Variants in SH3BP2 observed in about 807,000 individuals in gnomAD.
The protein encoded by SH3BP2 is SH3 domain-binding protein 2.
Under a neutral mutation model 56.2 loss-of-function variants are expected in SH3BP2, and 38 were observed. The observed-to-expected ratio is 0.68, with a 90% CI of 0.52 to 0.89. The LOEUF (loss-of-function observed/expected upper bound fraction) is 0.89. Ranked by LOEUF, SH3BP2 falls within the 40% of genes least tolerant of loss-of-function variation. The pLI, the probability that SH3BP2 is intolerant of heterozygous loss-of-function variation, is 0.00. For missense variants in SH3BP2, 748 were observed against 762.6 expected, an observed-to-expected ratio of 0.98 and a Z score of 0.23; for synonymous variants, 346 against 316.7, an observed-to-expected ratio of 1.09 and a Z score of -0.98.
chr4:2,793,463 G>T (rs231336), intron 1 of SH3BP2, among the ~76,000 whole-genome samples: 2 of 150,954 alleles, frequency 1.3e-5, no homozygotes, highest in Non-Finnish European at 1.5e-5. Flanking sequence ...GCCAAAGGAC[G>T]CACGGGGCCT....
intron 1 of SH3BP2, among the ~76,000 whole-genome samples, chr4:2,798,041 T>G (rs1041031391): frequency 6.6e-6 from 1 of 152,164 alleles, no homozygotes; most frequent in Non-Finnish European, 1.5e-5. Flanking sequence ...TCTTCAGGTT[T>G]CCATCACAGC....
chr4:2,814,516 G>A (rs1194540176), intron 1 of SH3BP2, among the ~76,000 whole-genome samples: 11 of 151,080 alleles, frequency 7.3e-5, no homozygotes, highest in East Asian at 5.8e-4. Context: ...ACACACACAC[G>A]CACACACGCA....
At chr4:2,823,153 C>G in intron 3 of SH3BP2, 116 bp downstream of exon 3, 1 of 774,946 alleles carries the variant, frequency 1.3e-6, no homozygotes, top group East Asian at 2.7e-5. Flanking sequence ...TTTCCCGAAG[C>G]AGCCTTCGTG....
rs530396595 is a variant in SH3BP2, at chr4:2,816,669, C to T, written c.-4-3945C>T. Among the ~76,000 whole-genome samples, 3 of 152,316 alleles carry T rather than the reference C, an allele frequency of 2.0e-5. No homozygotes were observed. In the East Asian group the frequency reaches 5.8e-4, roughly 29 times the overall value. ...ATCATGGAGGAGTGTTGAATTTTGT[C>T]AAACACTTGTTCTTCGTCTATCAAA... is the stretch of plus-strand genomic sequence containing the variant. On this transcript the variant is annotated intron_variant, in intron 1 of 12. Transcript: ENST00000503393.
chr4:2,818,352 C>A (rs2108722237), intron 1 of SH3BP2: 3 of 1,179,532 alleles, frequency 2.5e-6, no homozygotes, highest in South Asian at 8.4e-5. Context: ...GGGCGTGGAT[C>A]GCCCCGGGGA....
intron 1 of SH3BP2, chr4:2,798,999 C>T (rs567362630): frequency 4.7e-4 from 463 of 985,506 alleles, no homozygotes; most frequent in Non-Finnish European, 5.4e-4. Flanking sequence ...GCACGCAGCA[C>T]GGGGCCTGGG....
intron 1 of SH3BP2, among the ~76,000 whole-genome samples, chr4:2,815,802 C>T (rs959887387): frequency 6.6e-6 from 1 of 152,188 alleles, no homozygotes; most frequent in Admixed American, 6.5e-5. Flanking sequence ...GGGTGTCCCC[C>T]CTGGGCTGGG....
intron 1 of SH3BP2, among the ~76,000 whole-genome samples, chr4:2,808,798 A>G (rs28546880): frequency 0.56 from 18,480 of 33,220 alleles, 3,125 homozygotes; most frequent in Admixed American, 0.59. Context: ...CTCAGTGCCC[A>G]CCTTCCCCCA....
Position 2,831,234 on chromosome 4 carries a change from G to A in SH3BP2, c.1242-337G>A, listed in dbSNP as rs1228460015. Among the ~76,000 whole-genome samples the A allele has an allele frequency of 6.6e-6, 1 of 152,204 alleles. No individual in the cohort carries two copies. The highest frequency in any genetic ancestry group is 1.5e-5 in the Non-Finnish European group (1 of 68,034). ...TCCACTCCCCTGTGGCTCTGAGTGG[G>A]CTGTGATTTGGCCATGACCGGACCT... On this transcript the variant is annotated intron_variant, in intron 8 of 12. Coordinates refer to ENST00000503393, the MANE Select transcript of SH3BP2 (RefSeq NM_001122681.2). This position sits in a 1 kb window ranked among gnomAD's most constrained non-coding sequence, Gnocchi z 4.1.
intron 1 of SH3BP2, among the ~76,000 whole-genome samples, chr4:2,815,643 C>G (rs1405158757): frequency 6.6e-6 from 1 of 152,220 alleles, no homozygotes; most frequent in Non-Finnish European, 1.5e-5. Context: ...GACACACAGG[C>G]CAGGTCTTAT....
chr4:2,818,110 C>T lies in SH3BP2; in HGVS notation c.-4-2504C>T, dbSNP rs538307614. The T allele has an allele frequency of 1.3e-4, 82 of 623,334 alleles. No homozygotes were observed. In the African/African-American group the frequency reaches 1.5e-3, roughly 12 times the overall value. 38.6% of individuals were successfully genotyped at this position (623,334 alleles called of 1,614,324 possible). ...AGGGGGCTCACGTGCCTCCCGCGCA[C>T]GGTGACGCGGCAGGGGGCGGGGCCG... On this transcript the variant is annotated intron_variant, in intron 1 of 12. Coordinates refer to ENST00000503393, the MANE Select transcript of SH3BP2 (RefSeq NM_001122681.2).
rs137947663 is a variant in SH3BP2 at position 2,831,660 on chromosome 4, C to A, written c.1331C>A (p.Ser444Ter). ...PSQADTGGDDSDEDYEKVPLP... is the reference protein window; with the variant it reads ...PSQADTGGDD ...CAGGCTGACACTGGCGGGGACGACT[C>A]GGACGAGGACTATGAGAAGGCAAGG... The change falls in exon 9 of 13, where the codon TCG becomes TAG. Residue 444 changes from serine (S) to a stop codon, truncating the protein, a stop_gained. Transcript: ENST00000503393. LOFTEE classifies it high-confidence loss of function. The surrounding 1 kb of genome is among the most constrained non-coding windows in gnomAD (Gnocchi z 4.1). The A allele has an allele frequency of 1.3e-6, 2 of 1,589,462 alleles. No individual in the cohort carries two copies. Among genetic ancestry groups the A allele is most frequent in the Non-Finnish European group, 1.7e-6 (2 of 1,167,222 alleles).
At position 2,839,088 on chromosome 4, in the gene SH3BP2, T is replaced by G. The variant is rs1015245145; in HGVS notation, c.*5254T>G. On this transcript the variant is annotated 3_prime_UTR_variant, in exon 13 of 13. Transcript: ENST00000503393. Reference sequence around the variant, plus strand: ...GGAGATTGAGCATATTTTTATGTTTTTATTAACCATTTTGATTTTGTCTCC... The same window carrying G: ...GGAGATTGAGCATATTTTTATGTTTGTATTAACCATTTTGATTTTGTCTCC... 2.0e-5 allele frequency: 3 copies of G among 152,204 alleles called. No individual in the cohort carries two copies. The highest frequency in any genetic ancestry group is 7.2e-5 in the African/African-American group (3 of 41,436). 9.4% of individuals were successfully genotyped at this position (152,204 alleles called of 1,614,324 possible). A position where few individuals can be genotyped will look rare whatever the true frequency, so the allele number is the denominator to read the frequency against.
At chr4:2,820,862 T>C (rs1041630343) in intron 2 of SH3BP2, 109 bp downstream of exon 2, 2 of 1,287,110 alleles carry the variant, frequency 1.6e-6, no homozygotes, top group Non-Finnish European at 2.1e-6. Context: ...GTGTGCCCTC[T>C]GGATTTTCCC....
chr4:2,840,786 C>A lies in SH3BP2; in HGVS notation c.*6952C>A, dbSNP rs1418959581. On this transcript the variant is annotated 3_prime_UTR_variant, in exon 13 of 13. Transcript: ENST00000503393. ...TTGGGAATTTATTATAGCTATCAAT[C>A]AGTTTTGGGAAAATTGACGTCTTTA... is the stretch of plus-strand genomic sequence containing the variant. The A allele has an allele frequency of 6.6e-6, 1 of 152,172 alleles. No individual in the cohort carries two copies. The highest frequency in any genetic ancestry group is 1.5e-5 in the Non-Finnish European group (1 of 68,034). 9.4% of individuals were successfully genotyped at this position (152,172 alleles called of 1,614,324 possible). A position where few individuals can be genotyped will look rare whatever the true frequency, so the allele number is the denominator to read the frequency against.
rs755936125 is a variant in SH3BP2 at position 2,820,659 on chromosome 4, C to T, written c.42C>T (p.Ala14=). ...TGCATTGGCCTGTCCCTATGAAGGC[C>T]ATTGGTGCCCAGAACCTGCTAACCA... ...EEMHWPVPMK[A]IGAQNLLTMP... The change falls in exon 2 of 13, where the codon GCC becomes GCT. Residue 14 remains alanine (A), a synonymous_variant. Coordinates refer to ENST00000503393, the MANE Select transcript of SH3BP2 (RefSeq NM_001122681.2). The T allele has an allele frequency of 6.2e-7, 1 of 1,614,180 alleles. No homozygotes were observed. Among genetic ancestry groups the T allele is most frequent in the Non-Finnish European group, 8.5e-7 (1 of 1,180,008 alleles).
chr4:2,802,211 C>G (rs541899432), intron 1 of SH3BP2, among the ~76,000 whole-genome samples: 1 of 152,140 alleles, frequency 6.6e-6, no homozygotes, highest in African/African-American at 2.4e-5. Context: ...CCAGCCTGGC[C>G]AACATAGTGA....
At chr4:2,818,806 G>C in intron 1 of SH3BP2, 1 of 986,898 alleles carries the variant, frequency 1.0e-6, no homozygotes, top group Non-Finnish European at 1.2e-6. Flanking sequence ...GAAGGAGCTG[G>C]TGGGGTCCAG....
chr4:2,829,555 T>C lies in SH3BP2; in HGVS notation c.649T>C (p.Phe217Leu). The change falls in exon 8 of 13, where the codon TTC becomes CTC. Residue 217 changes from phenylalanine (F) to leucine (L), a missense_variant. Phe to Leu is a conservative substitution (Grantham distance 22). Coordinates refer to ENST00000503393, the MANE Select transcript of SH3BP2 (RefSeq NM_001122681.2). The surrounding 1 kb of genome is among the most constrained non-coding windows in gnomAD (Gnocchi z 4.9). ...PPVPTPRKPA[F>L]SDMPRAHSFT... ...AGTGCCCACGCCCAGGAAGCCAGCC[T>C]TCTCTGACATGCCCCGGGCCCACTC... is the stretch of plus-strand genomic sequence containing the variant. 2 of 1,613,012 alleles carry C rather than the reference T, an allele frequency of 1.2e-6. No individual in the cohort carries two copies. Among genetic ancestry groups the C allele is most frequent in the Non-Finnish European group, 1.7e-6 (2 of 1,179,784 alleles).
Sources: allele counts gnomAD v4.1 joint callset (sites outside exome capture counted in the v4.1 genomes callset), GRCh38; gene constraint gnomAD v4.1.1; non-coding constraint Gnocchi (gnomAD v3.1); transcripts MANE v1.5; gene names NCBI Gene and HGNC (gene_info 2026-07-23, HGNC 2026-07-21).